Variants in UGT1A9 observed in about 807,000 individuals in gnomAD.
The protein encoded by UGT1A9 is UDP glucuronosyltransferase family 1 member A9, also known as UDP-glucuronosyltransferase 1A9.
A neutral mutation model predicts 45.0 loss-of-function variants in UGT1A9; 35 were observed. The ratio of observed to expected loss-of-function variants is 0.78; its 90% CI spans 0.59 to 1.03. The LOEUF (loss-of-function observed/expected upper bound fraction) is 1.03, where lower values mean the gene tolerates loss of function less well. Ranked by LOEUF, UGT1A9 falls within the 50% of genes least tolerant of loss-of-function variation. UGT1A9 has a pLI of 0.00. For missense variants in UGT1A9, 687 were observed against 666.6 expected (o/e 1.03, Z -0.34); for synonymous variants, 278 against 250.6 (o/e 1.11, Z -1.03).
rs28900395 is a variant in UGT1A9 at position 233,758,981 on chromosome 2, G to A, written c.856-8053G>A. ...CAAATGCCTTTCCCCTGGATCTTGGGCCAGTGGAATGAGTACAATTTAACT... is the reference window on the plus strand; with the variant it reads ...CAAATGCCTTTCCCCTGGATCTTGGACCAGTGGAATGAGTACAATTTAACT... On this transcript the variant is annotated intron_variant, in intron 1 of 4. Transcript: ENST00000354728. 1.8e-4 allele frequency among the ~76,000 whole-genome samples: 28 copies of A among 152,260 alleles called. No homozygotes were observed. The East Asian group carries it at 5.2e-3, about 28-fold the overall frequency.
At chr2:233,724,314 G>C (rs1472414004) in intron 1 of UGT1A9, among the ~76,000 whole-genome samples, 1 of 144,282 alleles carries the variant, frequency 6.9e-6, no homozygotes, top group African/African-American at 2.6e-5. Flanking sequence ...CCTCCCGGAC[G>C]GGGCGGCTGG....
intron 1 of UGT1A9, among the ~76,000 whole-genome samples, chr2:233,714,201 T>C (rs2076373171): frequency 6.6e-6 from 1 of 152,184 alleles, no homozygotes. Flanking sequence ...CACTGAGAAC[T>C]GATCCATCCA....
chr2:233,739,406 C>T (rs1344467177), intron 1 of UGT1A9, among the ~76,000 whole-genome samples: 1 of 152,190 alleles, frequency 6.6e-6, no homozygotes, highest in Non-Finnish European at 1.5e-5. Context: ...CAATGCCACC[C>T]TCTGAAAGCA....
intron 1 of UGT1A9, chr2:233,754,340 T>C (rs17862879): frequency 7.9e-6 from 2 of 252,142 alleles, no homozygotes; most frequent in Non-Finnish European, 1.6e-5. Flanking sequence ...GTTTAATAAA[T>C]AGCAAATTGC....
chr2:233,743,469 A>T, intron 1 of UGT1A9: 3 of 1,366,764 alleles, frequency 2.2e-6, no homozygotes, highest in Non-Finnish European at 2.9e-6. Flanking sequence ...CACCCCCAAA[A>T]GCTGGAAATT....
At chr2:233,733,976 G>A (rs1421347211) in intron 1 of UGT1A9, among the ~76,000 whole-genome samples, 2 of 152,086 alleles carry the variant, frequency 1.3e-5, no homozygotes, top group Non-Finnish European at 2.9e-5. Context: ...GGAGCGGGGA[G>A]GGATAGCATT....
chr2:233,743,792 G>A (rs775660405), intron 1 of UGT1A9: 16 of 1,367,176 alleles, frequency 1.2e-5, no homozygotes, highest in East Asian at 4.6e-5. Context: ...TCTCCTCTCC[G>A]CTTCCTCCTT....
chr2:233,713,091 G>C lies in UGT1A9; in HGVS notation c.855+40302G>C, dbSNP rs200372008. ...GGCTGAGAGTGGGAAGGTGCTGGTGGTGCCCACTGATGGCAGCCACTGGCT... is the reference window on the plus strand; with the variant it reads ...GGCTGAGAGTGGGAAGGTGCTGGTGCTGCCCACTGATGGCAGCCACTGGCT... On this transcript the variant is annotated intron_variant, in intron 1 of 4. Transcript: ENST00000354728. The C allele has an allele frequency of 3.7e-6, 6 of 1,614,180 alleles. No individual in the cohort carries two copies. The Admixed American group carries it at 1.0e-4, about 27-fold the overall frequency.
intron 1 of UGT1A9, among the ~76,000 whole-genome samples, chr2:233,748,320 G>T (rs1427281151): frequency 6.6e-6 from 1 of 151,764 alleles, no homozygotes; most frequent in Non-Finnish European, 1.5e-5. Flanking sequence ...GACTAGGACT[G>T]ATGTGACTCA....
intron 1 of UGT1A9, among the ~76,000 whole-genome samples, chr2:233,737,484 A>G (rs561393011): frequency 6.6e-6 from 1 of 152,316 alleles, no homozygotes; most frequent in East Asian, 1.9e-4. Context: ...TGTCTAGGAA[A>G]GGGAAATCCC....
chr2:233,691,015 G>T, intron 1 of UGT1A9: 1 of 993,080 alleles, frequency 1.0e-6, no homozygotes, highest in Non-Finnish European at 1.2e-6. Flanking sequence ...GCAAGGCTGT[G>T]GTTGGAAGGG....
chr2:233,689,852 G>C (rs1413108719), intron 1 of UGT1A9: 1 of 455,368 alleles, frequency 2.2e-6, no homozygotes, highest in Non-Finnish European at 4.4e-6. Context: ...TATTGTTTTA[G>C]GCTACTATTA....
chr2:233,762,253 C>T (rs1056806461), intron 1 of UGT1A9, among the ~76,000 whole-genome samples: 3 of 152,100 alleles, frequency 2.0e-5, no homozygotes, highest in African/African-American at 7.2e-5. Context: ...AGGCACCCAC[C>T]GAATATGTGT....
rs1320127609 is a variant in UGT1A9 at position 233,672,015 on chromosome 2, G to A, written c.81G>A (p.Lys27=). 6.2e-7 allele frequency: 1 copy of A among 1,614,164 alleles called. No individual in the cohort carries two copies. Among genetic ancestry groups the A allele is most frequent in the Non-Finnish European group, 8.5e-7 (1 of 1,180,010 alleles). ...CCTGTGGCTTTGCCGAGGCAGGGAA[G>A]CTACTGGTAGTGCCCATGGATGGGA... The part of the protein sequence containing the change: ...LLTCGFAEAG[K]LLVVPMDGSH... Residue 27 remains lysine (K), a synonymous_variant, in exon 1 of 5, where the codon AAG becomes AAA. Transcript: ENST00000354728.
chr2:233,749,865 C>A (rs113837567), intron 1 of UGT1A9, among the ~76,000 whole-genome samples: 3 of 152,004 alleles, frequency 2.0e-5, no homozygotes, highest in African/African-American at 7.3e-5. Context: ...CACTTTCTGC[C>A]AGGATTATAA....
At chr2:233,702,910 T>A (rs78155632) in intron 1 of UGT1A9, among the ~76,000 whole-genome samples, 2,672 of 152,282 alleles carry the variant, frequency 0.018, 42 homozygotes, top group East Asian at 0.042. Context: ...ATATTGGAAG[T>A]CTTATTTTCT....
chr2:233,761,361 C>A (rs1202698678), intron 1 of UGT1A9, among the ~76,000 whole-genome samples: 1 of 152,198 alleles, frequency 6.6e-6, no homozygotes, highest in Non-Finnish European at 1.5e-5. Context: ...GGAAAGCATT[C>A]CTTGGACATT....
chr2:233,761,836 A>C (rs1697880138), intron 1 of UGT1A9, among the ~76,000 whole-genome samples: 1 of 152,212 alleles, frequency 6.6e-6, no homozygotes, highest in African/African-American at 2.4e-5. Flanking sequence ...ATGGAGCGTT[A>C]GGGAATTACT....
chr2:233,747,906 G>C, intron 1 of UGT1A9: 1 of 1,613,472 alleles, frequency 6.2e-7, no homozygotes, highest in Non-Finnish European at 8.5e-7. Context: ...TGCTCCTTAT[G>C]CAAGCCTTGC....
Sources: allele counts gnomAD v4.1 joint callset (sites outside exome capture counted in the v4.1 genomes callset), GRCh38; gene constraint gnomAD v4.1.1; transcripts MANE v1.5; gene names NCBI Gene and HGNC (gene_info 2026-07-23, HGNC 2026-07-21).